MIPOL1: variants seen among roughly 807,000 people sequenced by gnomAD.
MIPOL1 encodes mirror-image polydactyly 1, also known as mirror-image polydactyly gene 1 protein.
In MIPOL1, 57 loss-of-function variants were observed where a neutral mutation model predicts 60.9. The observed-to-expected ratio is 0.94, with a 90% CI of 0.76 to 1.17. The LOEUF (loss-of-function observed/expected upper bound fraction) is 1.17. Among genes scored for constraint, MIPOL1 ranks in the 50% most tolerant of loss-of-function variants. The probability of loss-of-function intolerance (pLI) is 0.00; values close to 1 mark genes in which losing one functional copy is unlikely to be tolerated. For synonymous variants in MIPOL1, 179 were observed against 168.8 expected, an observed-to-expected ratio of 1.06 and a Z score of -0.47; for missense variants, 551 against 511.6, an observed-to-expected ratio of 1.08 and a Z score of -0.74.
chr14:37,368,616 T>G (rs1313839689), intron 9 of MIPOL1, among the ~76,000 whole-genome samples: 2 of 152,028 alleles, frequency 1.3e-5, no homozygotes, highest in African/African-American at 4.8e-5. Flanking sequence ...ATAGATAAAT[T>G]AAGGAATGGT....
At chr14:37,287,664 T>A (rs1035840410) in intron 7 of MIPOL1, among the ~76,000 whole-genome samples, 3 of 152,190 alleles carry the variant, frequency 2.0e-5, no homozygotes, top group Admixed American at 6.5e-5. Context: ...ATTTTGAACT[T>A]CATGCAATAT....
At chr14:37,516,798 A>G (rs911686707) in intron 12 of MIPOL1, among the ~76,000 whole-genome samples, 1 of 152,132 alleles carries the variant, frequency 6.6e-6, no homozygotes, top group African/African-American at 2.4e-5. Flanking sequence ...ATTTTTTTAG[A>G]ATAAACTATA....
intron 9 of MIPOL1, among the ~76,000 whole-genome samples, chr14:37,323,766 C>G (rs539450289): frequency 1.3e-4 from 20 of 151,966 alleles, no homozygotes; most frequent in Non-Finnish European, 2.5e-4. Flanking sequence ...TTCCTTCTAT[C>G]AATCATCTCT....
chr14:37,231,179 C>G (rs915324030), intron 1 of MIPOL1, among the ~76,000 whole-genome samples: 1 of 152,064 alleles, frequency 6.6e-6, no homozygotes, highest in Non-Finnish European at 1.5e-5. Flanking sequence ...CCTCAAACTC[C>G]TGGTTTCAAG....
chr14:37,355,553 G>A (rs1367487060), intron 9 of MIPOL1, among the ~76,000 whole-genome samples: 5 of 149,674 alleles, frequency 3.3e-5, no homozygotes, highest in African/African-American at 9.8e-5. Context: ...CCAATGAGAC[G>A]TAGATTTGGT....
chr14:37,497,639 A>C (rs2095152231), intron 11 of MIPOL1, among the ~76,000 whole-genome samples: 1 of 152,182 alleles, frequency 6.6e-6, no homozygotes. Context: ...CCAGGAGTTC[A>C]AGGTCAGCCT....
intron 9 of MIPOL1, among the ~76,000 whole-genome samples, chr14:37,325,600 TTCTC>T (rs776057550): frequency 4.0e-5 from 6 of 151,896 alleles, no homozygotes; most frequent in Non-Finnish European, 7.4e-5. Flanking sequence ...CTCCTTCTTA[TTCTC>T]TCTGTTTTTT....
At chr14:37,516,087 T>C (rs1475105329) in intron 12 of MIPOL1, among the ~76,000 whole-genome samples, 1 of 152,208 alleles carries the variant, frequency 6.6e-6, no homozygotes, top group Non-Finnish European at 1.5e-5. Flanking sequence ...ACGCAGACTC[T>C]AAAGCTGCAG....
chr14:37,306,481 T>C (rs1326379953), intron 7 of MIPOL1, among the ~76,000 whole-genome samples: 1 of 151,902 alleles, frequency 6.6e-6, no homozygotes, highest in East Asian at 1.9e-4. Flanking sequence ...AACAAGGTAA[T>C]TGTGAAGTTT....
At chr14:37,232,281 A>C (rs921876696) in intron 1 of MIPOL1, among the ~76,000 whole-genome samples, 1 of 152,140 alleles carries the variant, frequency 6.6e-6, no homozygotes, top group Non-Finnish European at 1.5e-5. Flanking sequence ...TCAGCTAATA[A>C]ATTTTATACA....
intron 10 of MIPOL1, among the ~76,000 whole-genome samples, chr14:37,398,554 A>G (rs12879622): frequency 0.012 from 1,826 of 152,264 alleles, 17 homozygotes; most frequent in Non-Finnish European, 0.015. Context: ...GCCATCAACA[A>G]TAATAGCCAT....
At chr14:37,258,326 A>G (rs570450295) in intron 3 of MIPOL1, among the ~76,000 whole-genome samples, 1 of 152,250 alleles carries the variant, frequency 6.6e-6, no homozygotes, top group Non-Finnish European at 1.5e-5. Flanking sequence ...AACAAACAAA[A>G]AATACATAAT....
At chr14:37,215,425 T>C (rs1406154705) in intron 1 of MIPOL1, among the ~76,000 whole-genome samples, 2 of 152,078 alleles carry the variant, frequency 1.3e-5, no homozygotes, top group African/African-American at 4.8e-5. Flanking sequence ...AAAAACCCAC[T>C]GACCCTCTGG....
intron 3 of MIPOL1, among the ~76,000 whole-genome samples, chr14:37,257,888 A>G (rs1479671028): frequency 2.0e-5 from 3 of 152,164 alleles, no homozygotes; most frequent in Admixed American, 6.6e-5. Flanking sequence ...AAATGCCTGC[A>G]ACAATCCAGA....
At chr14:37,206,539 T>G (rs1015582246) in intron 1 of MIPOL1, among the ~76,000 whole-genome samples, 5 of 152,194 alleles carry the variant, frequency 3.3e-5, no homozygotes, top group African/African-American at 1.2e-4. Context: ...ACTGGAGCAC[T>G]GCCTAGTGGA....
intron 7 of MIPOL1, among the ~76,000 whole-genome samples, chr14:37,295,218 A>G (rs2085520375): frequency 6.6e-6 from 1 of 152,204 alleles, no homozygotes; most frequent in Non-Finnish European, 1.5e-5. Flanking sequence ...TTCATAAGTG[A>G]AGGAGAAATA....
intron 7 of MIPOL1, among the ~76,000 whole-genome samples, chr14:37,293,835 C>T (rs1282414175): frequency 6.6e-6 from 1 of 152,198 alleles, no homozygotes; most frequent in Non-Finnish European, 1.5e-5. Context: ...GTGGGGCCCA[C>T]CACAGCTCAA....
intron 7 of MIPOL1, among the ~76,000 whole-genome samples, chr14:37,303,291 C>T (rs998719942): frequency 4.6e-5 from 7 of 151,830 alleles, no homozygotes; most frequent in African/African-American, 1.7e-4. Flanking sequence ...CAGATTTACA[C>T]AGGCAACTCA....
chr14:37,225,322 C>A (rs1969520632), intron 1 of MIPOL1, among the ~76,000 whole-genome samples: 1 of 152,210 alleles, frequency 6.6e-6, no homozygotes, highest in Non-Finnish European at 1.5e-5. Flanking sequence ...TTCTGCACTG[C>A]CCTAGCAGAG....
Sources: allele counts gnomAD v4.1 joint callset (sites outside exome capture counted in the v4.1 genomes callset), GRCh38; gene constraint gnomAD v4.1.1; transcripts MANE v1.5; gene names NCBI Gene and HGNC (gene_info 2026-07-23, HGNC 2026-07-21).